The following EDRF1 variants were observed in gnomAD, a reference collection of about 807,000 sequenced individuals.
EDRF1 encodes the protein erythroid differentiation-related factor 1.
Under a neutral mutation model 148.7 loss-of-function variants are expected in EDRF1, and 69 were observed. The ratio of observed to expected loss-of-function variants is 0.46; its 90% CI spans 0.38 to 0.57. The LOEUF is 0.57. Ranked by LOEUF, EDRF1 falls within the 20% of genes least tolerant of loss-of-function variation. The probability of loss-of-function intolerance (pLI) is 0.00; values close to 1 mark genes in which losing one functional copy is unlikely to be tolerated. For synonymous variants in EDRF1, 515 were observed against 532.8 expected, an observed-to-expected ratio of 0.97 and a Z score of 0.46; for missense variants, 1,118 against 1,478.7, an observed-to-expected ratio of 0.76 and a Z score of 4.00.
intron 22 of EDRF1, among the ~76,000 whole-genome samples, chr10:125,752,495 G>A (rs574069458): frequency 5.3e-5 from 8 of 152,322 alleles, no homozygotes; most frequent in Admixed American, 3.3e-4. Context: ...ATGTGAGGTG[G>A]GCCTCGAGCC....
At chr10:125,720,035 CCCAAA>C in intron 1 of EDRF1, 120 bp downstream of exon 1, 1 of 850,484 alleles carries the variant, frequency 1.2e-6, no homozygotes, top group Admixed American at 2.7e-5. Context: ...CCCTGACACC[CCCAAA>C]ACAGGGAGTT....
At position 125,763,569 on chromosome 10, in the gene EDRF1, T is replaced by C. The variant is rs1038867226; in HGVS notation, c.*97T>C. ...TGTTTCATTAAATAATAGGGAAATA[T>C]CCATTTAAAACAGGTATATCAGTGG... On this transcript the variant is annotated 3_prime_UTR_variant, in exon 25 of 25. Coordinates refer to ENST00000356792, the MANE Select transcript of EDRF1 (RefSeq NM_001202438.2). The surrounding 1 kb of genome is among the most constrained non-coding windows in gnomAD (Gnocchi z 4.3). 10 of 1,355,924 alleles carry C rather than the reference T, an allele frequency of 7.4e-6. No homozygotes were observed. The highest frequency in any genetic ancestry group is 4.3e-5 in the African/African-American group (3 of 69,246). 84.0% of individuals were successfully genotyped at this position (1,355,924 alleles called of 1,614,324 possible). A position where few individuals can be genotyped will look rare whatever the true frequency, so the allele number is the denominator to read the frequency against.
chr10:125,749,472 G>T lies in EDRF1; in HGVS notation c.3184G>T (p.Ala1062Ser). ...RVLADLHYSK[A>S]AKLFQLLKDA... ...GCTGGCAGATCTTCATTACAGCAAGGCCGCAAAGCTGTTTCAGCTGCTGAA... is the reference window on the plus strand; with the variant it reads ...GCTGGCAGATCTTCATTACAGCAAGTCCGCAAAGCTGTTTCAGCTGCTGAA... Residue 1062 changes from alanine to serine, a missense_variant, in exon 22 of 25, where the codon GCC becomes TCC. Physicochemically the swap from Ala to Ser is moderately conservative, Grantham distance 99. Transcript: ENST00000356792. 1 of 1,614,178 alleles carries T rather than the reference G, an allele frequency of 6.2e-7. No individual in the cohort carries two copies. The highest frequency in any genetic ancestry group is 8.5e-7 in the Non-Finnish European group (1 of 1,180,038).
At position 125,721,419 on chromosome 10, in the gene EDRF1, A is replaced by G. The variant is rs1244564309; in HGVS notation, c.317+7A>G. On this transcript the variant is annotated splice_region_variant and intron_variant, in intron 2 of 24. Coordinates refer to ENST00000356792, the MANE Select transcript of EDRF1 (RefSeq NM_001202438.2). ...AAAGCAAGCCATTTTCAAGGTAAATATTAATCAGTGGCATTTTTACCTGCC... is the reference window on the plus strand; with the variant it reads ...AAAGCAAGCCATTTTCAAGGTAAATGTTAATCAGTGGCATTTTTACCTGCC... 6.2e-7 allele frequency: 1 copy of G among 1,613,718 alleles called. No individual in the cohort carries two copies. Among genetic ancestry groups the G allele is most frequent in the Non-Finnish European group, 8.5e-7 (1 of 1,179,820 alleles).
At chr10:125,727,786 A>G (rs183495382) in intron 6 of EDRF1, among the ~76,000 whole-genome samples, 1 of 152,334 alleles carries the variant, frequency 6.6e-6, no homozygotes, top group African/African-American at 2.4e-5. Context: ...CTGTTGAGGC[A>G]ATGACATTAA....
intron 4 of EDRF1, among the ~76,000 whole-genome samples, chr10:125,724,323 G>A (rs1354491527): frequency 6.6e-6 from 1 of 152,188 alleles, no homozygotes; most frequent in Non-Finnish European, 1.5e-5. Flanking sequence ...CTGTTCCTAT[G>A]AATAAATACA....
At chr10:125,748,039 T>C (rs1175792947) in intron 21 of EDRF1, 27 bp downstream of exon 21, 1 of 1,613,566 alleles carries the variant, frequency 6.2e-7, no homozygotes, top group Non-Finnish European at 8.5e-7. Flanking sequence ...TTAAGTACAG[T>C]GCCACATCAG....
intron 6 of EDRF1, among the ~76,000 whole-genome samples, chr10:125,728,451 T>C (rs983925336): frequency 2.6e-5 from 4 of 152,088 alleles, no homozygotes; most frequent in Non-Finnish European, 5.9e-5. Flanking sequence ...TGTGAAACAC[T>C]CATCAGGAAA....
At chr10:125,757,231 A>G (rs141270384) in intron 24 of EDRF1, 1 of 211,498 alleles carries the variant, frequency 4.7e-6, no homozygotes, top group Non-Finnish European at 9.7e-6. Context: ...TTATTTCACT[A>G]TTGATTTATT....
In EDRF1 at chr10:125,721,317, A is replaced by G. The variant is rs1257129197; in HGVS notation, c.222A>G (p.Lys74=). 1 of 1,613,724 alleles carries G rather than the reference A, an allele frequency of 6.2e-7. No homozygotes were observed. The highest frequency in any genetic ancestry group is 1.7e-5 in the Admixed American group (1 of 59,972). ...FARLEEKTDL[K]LPPANWLRES... Reference sequence around the variant, plus strand: ...GCCTTGAAGAGAAAACAGACTTGAAACTCCCACCTGCCAACTGGTTACGAG... The same window carrying G: ...GCCTTGAAGAGAAAACAGACTTGAAGCTCCCACCTGCCAACTGGTTACGAG... Residue 74 remains lysine, a synonymous_variant, in exon 2 of 25, where the codon AAA becomes AAG. Transcript: ENST00000356792.
At chr10:125,752,435 A>G (rs1849688266) in intron 22 of EDRF1, among the ~76,000 whole-genome samples, 1 of 152,238 alleles carries the variant, frequency 6.6e-6, no homozygotes, top group South Asian at 2.1e-4. Context: ...TTTTACAGAT[A>G]GGACAACTGA....
chr10:125,726,833 T>C (rs971778755), intron 6 of EDRF1, among the ~76,000 whole-genome samples: 17 of 152,318 alleles, frequency 1.1e-4, no homozygotes, highest in Non-Finnish European at 1.6e-4. Context: ...GTTCTATGAT[T>C]CAGAAGGGAG....
At position 125,763,533 on chromosome 10, in the gene EDRF1, A is replaced by T. The variant is rs373516756; in HGVS notation, c.*61A>T. 5.4e-4 allele frequency: 821 copies of T among 1,532,350 alleles called. 7 individuals are homozygous for T. The South Asian group carries it at 8.8e-3, about 16-fold the overall frequency. 94.9% of individuals were successfully genotyped at this position (1,532,350 alleles called of 1,614,324 possible). A position where few individuals can be genotyped will look rare whatever the true frequency, so the allele number is the denominator to read the frequency against. ...CCTTCAACACGGAGCCGGTTTGTTC[A>T]TTCGGTGCTTTGTTTCATTAAATAA... is the stretch of plus-strand genomic sequence containing the variant. On this transcript the variant is annotated 3_prime_UTR_variant, in exon 25 of 25. Coordinates refer to ENST00000356792, the MANE Select transcript of EDRF1 (RefSeq NM_001202438.2). This position sits in a 1 kb window ranked among gnomAD's most constrained non-coding sequence, Gnocchi z 4.3.
In EDRF1 at chr10:125,733,624, T is replaced by C; in HGVS notation, c.1277-11T>C. On this transcript the variant is annotated splice_polypyrimidine_tract_variant and intron_variant, in intron 10 of 24. Coordinates refer to ENST00000356792, the MANE Select transcript of EDRF1 (RefSeq NM_001202438.2). ...TGCTGTGAAATGAGTCTTCTTTGTTTTTCTTTTCAGCAAGTGGCAGCGATA... is the reference window on the plus strand; with the variant it reads ...TGCTGTGAAATGAGTCTTCTTTGTTCTTCTTTTCAGCAAGTGGCAGCGATA... 2.5e-6 allele frequency: 4 copies of C among 1,613,284 alleles called. No individual in the cohort carries two copies. The highest frequency in any genetic ancestry group is 2.5e-6 in the Non-Finnish European group (3 of 1,179,316).
At chr10:125,725,887 CT>C (rs1416426062) in intron 6 of EDRF1, 49 bp downstream of exon 6, 3 of 1,584,050 alleles carry the variant, frequency 1.9e-6, no homozygotes, top group Non-Finnish European at 2.6e-6. Flanking sequence ...AAAACAAAGC[CT>C]TTTTTAACAT....
At chr10:125,725,232 TAGG>T (rs1848200191) in intron 4 of EDRF1, 83 bp from the exon 5 acceptor site, 5 of 1,507,270 alleles carry the variant, frequency 3.3e-6, no homozygotes, top group South Asian at 2.3e-5. Flanking sequence ...CAAAAAATAA[TAGG>T]AGCCTTTTCT....
chr10:125,728,269 T>C (rs1371926921), intron 6 of EDRF1, among the ~76,000 whole-genome samples: 1 of 152,096 alleles, frequency 6.6e-6, no homozygotes, highest in Non-Finnish European at 1.5e-5. Flanking sequence ...TTGGGAAACA[T>C]TGGTTTTTAC....
rs996326076 is a variant in EDRF1 at position 125,726,645 on chromosome 10, A to C, written c.792+807A>C. ...TCAACCAGATTGTTTCAATCTTCAC[A>C]AATTACAGGGAGCAGATACATTTAA... On this transcript the variant is annotated intron_variant, in intron 6 of 24. Transcript: ENST00000356792. Among the ~76,000 whole-genome samples, 4 of 152,216 alleles carry C rather than the reference A, an allele frequency of 2.6e-5. No individual in the cohort carries two copies. The South Asian group carries it at 8.3e-4, about 32-fold the overall frequency.
chr10:125,731,083 G>T (rs2133689802), intron 9 of EDRF1, among the ~76,000 whole-genome samples: 1 of 152,292 alleles, frequency 6.6e-6, no homozygotes, highest in South Asian at 2.1e-4. Flanking sequence ...GGAGTTTGAG[G>T]CTGCAGTGAG....
Sources: allele counts gnomAD v4.1 joint callset (sites outside exome capture counted in the v4.1 genomes callset), GRCh38; gene constraint gnomAD v4.1.1; non-coding constraint Gnocchi (gnomAD v3.1); transcripts MANE v1.5; gene names NCBI Gene and HGNC (gene_info 2026-07-23, HGNC 2026-07-21).